ZNF324: variants seen among roughly 807,000 people sequenced by gnomAD.
The protein encoded by ZNF324 is zinc finger protein 324A.
ZNF324 carries 3 observed loss-of-function variants against 10.3 expected under a neutral mutation model. The observed-to-expected ratio is 0.29, with a 90% confidence interval of 0.13 to 0.75. The LOEUF (loss-of-function observed/expected upper bound fraction) is 0.75, where lower values mean the gene tolerates loss of function less well. Among genes scored for constraint, ZNF324 ranks in the 30% least tolerant of loss-of-function variants. The pLI, the probability that ZNF324 is intolerant of heterozygous loss-of-function variation, is 0.69. For missense variants in ZNF324, 763 were observed against 784.4 expected (o/e 0.97, Z 0.33); for synonymous variants, 430 against 339.5 (o/e 1.27, Z -2.93).
chr19:58,469,051 C>A lies in ZNF324; in HGVS notation c.-6-129C>A, dbSNP rs1265190347. ...ATTTTTATTTTTTTTAGCTCATCAGCTGTTATTAGTGTTAATGTATTTTAT... is the reference window on the plus strand; with the variant it reads ...ATTTTTATTTTTTTTAGCTCATCAGATGTTATTAGTGTTAATGTATTTTAT... On this transcript the variant is annotated intron_variant, in intron 1 of 3. Transcript: ENST00000196482. The A allele has an allele frequency of 1.6e-5, 17 of 1,086,898 alleles. No individual in the cohort carries two copies. In the East Asian group the frequency reaches 4.2e-4, roughly 27 times the overall value. The allele number at this position is 1,086,898 out of a possible 1,614,324, so 67.3% of individuals were successfully genotyped here.
In ZNF324 at chr19:58,470,804, G is replaced by A. The variant is rs550941766; in HGVS notation, c.312G>A (p.Gly104=). ...WPRAFPDTPP[G]MTTSVFPVAG... ...GAGCTTTCCCAGATACCCCACCTGG[G>A]ATGACTACTAGCGTCTTCCCTGTTG... Residue 104 remains glycine, a synonymous_variant, in exon 4 of 4, where the codon GGG becomes GGA. Transcript: ENST00000196482. 4 of 1,614,222 alleles carry A rather than the reference G, an allele frequency of 2.5e-6. No homozygotes were observed. The African/African-American group carries it at 4.0e-5, about 16-fold the overall frequency.
At chr19:58,470,039 G>A (rs1320244289) in intron 3 of ZNF324, among the ~76,000 whole-genome samples, 195 bp downstream of exon 3, 1 of 151,786 alleles carries the variant, frequency 6.6e-6, no homozygotes, top group Non-Finnish European at 1.5e-5. Context: ...ACAGGAGCGG[G>A]GTTGACACAG....
At position 58,471,365 on chromosome 19, in the gene ZNF324, C is replaced by T. The variant is rs777248685; in HGVS notation, c.873C>T (p.Gly291=). ...GERPYECAQC[G]KAFSQTSHLT... The stretch of plus-strand genomic sequence containing the variant: ...GGCCCTACGAGTGCGCCCAGTGCGG[C>T]AAGGCCTTCAGCCAGACGTCGCACT... The change falls in exon 4 of 4, where the codon GGC becomes GGT. Residue 291 remains glycine (G), a synonymous_variant. Transcript: ENST00000196482. The T allele has an allele frequency of 1.9e-6, 3 of 1,613,900 alleles. No individual in the cohort carries two copies. In the East Asian group the frequency reaches 6.7e-5, roughly 36 times the overall value.
rs1462295640 is a variant in ZNF324, at chr19:58,469,701, A to ACT, written c.122-24_122-23dup. 5.2e-6 allele frequency: 8 copies of ACT among 1,541,746 alleles called. No individual in the cohort carries two copies. In the Admixed American group the frequency reaches 7.7e-5, roughly 15 times the overall value. On this transcript the variant is annotated intron_variant, in intron 2 of 3. Transcript: ENST00000196482. ...GTGGGTTATCTTGAGCTGGGGCTGG[A>ACT]CTCTAACCTGCACCTCCTCCTCACA...
rs997674338 is a variant in ZNF324, at chr19:58,467,097, A to G, written c.-93A>G. 5.2e-6 allele frequency: 1 copy of G among 191,042 alleles called. No individual in the cohort carries two copies. The highest frequency in any genetic ancestry group is 1.2e-4 in the South Asian group (1 of 8,606). The allele number at this position is 191,042 out of a possible 1,614,324, so 11.8% of individuals were successfully genotyped here. A position where few individuals can be genotyped will look rare whatever the true frequency, so the allele number is the denominator to read the frequency against. On this transcript the variant is annotated 5_prime_UTR_variant, in exon 1 of 4. Transcript: ENST00000196482. ...GGACTGTCACTTCGCCGCCCGCGTC[A>G]GGCCACACCGGTGGTCTGGGCTGGG...
At chr19:58,469,353 A>T (rs1047027198) in intron 2 of ZNF324, 47 bp downstream of exon 2, 1 of 1,601,806 alleles carries the variant, frequency 6.2e-7, no homozygotes, top group South Asian at 1.1e-5. Context: ...TAACAAGCTG[A>T]CTGGCCAGGG....
chr19:58,474,497 CCT>C lies in ZNF324; in HGVS notation c.*2344_*2345del, dbSNP rs1208379901. On this transcript the variant is annotated 3_prime_UTR_variant, in exon 4 of 4. Coordinates refer to ENST00000196482, the MANE Select transcript of ZNF324 (RefSeq NM_014347.3). ...GTTCCTTTCCACGTCTGCTTGTGCC[CCT>C]GTTGTCCCTCAGTTTGTCCACCCTC... is the stretch of plus-strand genomic sequence containing the variant. 3.3e-5 allele frequency: 5 copies of C among 152,296 alleles called. No homozygotes were observed. Among genetic ancestry groups the C allele is most frequent in the South Asian group, 2.1e-4 (1 of 4,810 alleles). The allele number at this position is 152,296 out of a possible 1,614,324, so 9.4% of individuals were successfully genotyped here.
chr19:58,470,493 C>T (rs542569327), intron 3 of ZNF324: 134 of 638,256 alleles, frequency 2.1e-4, no homozygotes, highest in Admixed American at 9.4e-4. Flanking sequence ...AGCTTCACAT[C>T]CTGGGTGTCG....
intron 1 of ZNF324, 143 bp downstream of exon 1, chr19:58,467,326 T>C (rs892293081): frequency 6.6e-6 from 1 of 152,090 alleles, no homozygotes; most frequent in African/African-American, 2.4e-5. Context: ...GCGGGAGCCA[T>C]GCGCTCTCCC....
In ZNF324 at chr19:58,471,238, C is replaced by G. The variant is rs1303091958; in HGVS notation, c.746C>G (p.Ala249Gly). 1.2e-6 allele frequency: 2 copies of G among 1,613,436 alleles called. No homozygotes were observed. The highest frequency in any genetic ancestry group is 1.3e-5 in the African/African-American group (1 of 74,918). ...TCGACCTGGGACGAGCTGGGCGAGG[C>G]TCTTCACGCTGGGGAGAAGTCCTTC... is the stretch of plus-strand genomic sequence containing the variant. ...EPSTWDELGE[A>G]LHAGEKSFEC... Residue 249 changes from alanine to glycine, a missense_variant, in exon 4 of 4, where the codon GCT becomes GGT. Physicochemically the swap from Ala to Gly is moderately conservative, Grantham distance 60. Transcript: ENST00000196482.
Position 58,471,692 on chromosome 19 carries a change from G to C in ZNF324, c.1200G>C (p.Ala400=), listed in dbSNP as rs751326737. 3.1e-6 allele frequency: 5 copies of C among 1,612,562 alleles called. No homozygotes were observed. The highest frequency in any genetic ancestry group is 1.3e-5 in the African/African-American group (1 of 75,014). The change falls in exon 4 of 4, where the codon GCG becomes GCC. Residue 400 remains alanine (A), a synonymous_variant. Coordinates refer to ENST00000196482, the MANE Select transcript of ZNF324 (RefSeq NM_014347.3). ...CAGGCGAGAAGCCCTTCGTGTGCGC[G>C]CTCTGCGGTGCTGCCTTCAGCCAGG... ...THTGEKPFVC[A]LCGAAFSQGS... is the part of the protein sequence containing the mutation.
intron 1 of ZNF324, among the ~76,000 whole-genome samples, 156 bp from the exon 2 acceptor site, chr19:58,469,024 C>T (rs1289925514): frequency 1.3e-5 from 2 of 151,968 alleles, no homozygotes; most frequent in Non-Finnish European, 2.9e-5. Context: ...GATGTTTATG[C>T]AATTTTTATT....
rs1442291165 is a variant in ZNF324 at position 58,472,816 on chromosome 19, A to C, written c.*662A>C. On this transcript the variant is annotated 3_prime_UTR_variant, in exon 4 of 4. Coordinates refer to ENST00000196482, the MANE Select transcript of ZNF324 (RefSeq NM_014347.3). Reference sequence around the variant, plus strand: ...GCCAGCTCCTGTCCTGAGTACTGGGAAGTTTCTCCTGAAGCCCTGTGAGAT... The same window carrying C: ...GCCAGCTCCTGTCCTGAGTACTGGGCAGTTTCTCCTGAAGCCCTGTGAGAT... 1.3e-5 allele frequency: 2 copies of C among 152,342 alleles called. No homozygotes were observed. The highest frequency in any genetic ancestry group is 4.8e-5 in the African/African-American group (2 of 41,440). 9.4% of individuals were successfully genotyped at this position (152,342 alleles called of 1,614,324 possible).
At chr19:58,469,137 C>G in intron 1 of ZNF324, 43 bp from the exon 2 acceptor site, 1 of 1,613,504 alleles carries the variant, frequency 6.2e-7, no homozygotes, top group Non-Finnish European at 8.5e-7. Flanking sequence ...ATTGGATAAC[C>G]CAGCCTTAGA....
In ZNF324 at chr19:58,469,312, G is replaced by A; in HGVS notation, c.121+6G>A. 6.2e-7 allele frequency: 1 copy of A among 1,612,882 alleles called. No individual in the cohort carries two copies. Among genetic ancestry groups the A allele is most frequent in the South Asian group, 1.1e-5 (1 of 90,914 alleles). On this transcript the variant is annotated splice_donor_region_variant and intron_variant, in intron 2 of 3. Coordinates refer to ENST00000196482, the MANE Select transcript of ZNF324 (RefSeq NM_014347.3). ...CGCACTTGTGGCCTCGCTGGGTAAG[G>A]TCCTAGATACTCCATGAAATGGGCA...
chr19:58,470,847 G>A lies in ZNF324; in HGVS notation c.355G>A (p.Val119Ile), dbSNP rs2053023743. ...CCCTGTTGCCGGTGCCTGCCACAGT[G>A]TAAAAAGCCTGCAGAGACAACGGGG... is the stretch of plus-strand genomic sequence containing the variant. ...VFPVAGACHS[V>I]KSLQRQRGAS... Residue 119 changes from valine to isoleucine, a missense_variant, in exon 4 of 4, where the codon GTA (valine) becomes ATA (isoleucine). Coordinates refer to ENST00000196482, the MANE Select transcript of ZNF324 (RefSeq NM_014347.3). The A allele has an allele frequency of 6.2e-7, 1 of 1,614,216 alleles. No individual in the cohort carries two copies. The highest frequency in any genetic ancestry group is 8.5e-7 in the Non-Finnish European group (1 of 1,180,044).
In ZNF324 at chr19:58,469,092, ATTC is replaced by A. The variant is rs372837484; in HGVS notation, c.-6-81_-6-79del. The A allele has an allele frequency of 2.0e-4, 307 of 1,553,490 alleles. 4 individuals are homozygous for A. The African/African-American group carries it at 3.1e-3, about 16-fold the overall frequency. ...TGTATTTTATGTGTTGCCCAAGACAATTCTTCTTCCAATGTGGCCCAGGGAAGC... is the reference window on the plus strand; with the variant it reads ...TGTATTTTATGTGTTGCCCAAGACAATTCTTCCAATGTGGCCCAGGGAAGC... On this transcript the variant is annotated intron_variant, in intron 1 of 3. Coordinates refer to ENST00000196482, the MANE Select transcript of ZNF324 (RefSeq NM_014347.3).
At position 58,471,018 on chromosome 19, in the gene ZNF324, G is replaced by A; in HGVS notation, c.526G>A (p.Glu176Lys). The change falls in exon 4 of 4, where the codon GAA (glutamate) becomes AAA (lysine). Residue 176 changes from glutamate (E) to lysine (K), a missense_variant. Around this residue, in one of 3 missense-constraint regions of ZNF324, gnomAD observed 379 missense variants for 319.4 expected, o/e 1.19. Coordinates refer to ENST00000196482, the MANE Select transcript of ZNF324 (RefSeq NM_014347.3). The stretch of plus-strand genomic sequence containing the variant: ...GCCTCCCGAGGGCGTCCGGCTTAGA[G>A]AAAAGACACTCACAGAGCATGCGTT... Reference protein sequence around the residue: ...LRPPEGVRLREKTLTEHALLG... With the variant: ...LRPPEGVRLRKKTLTEHALLG... The A allele has an allele frequency of 6.2e-7, 1 of 1,614,098 alleles. No homozygotes were observed. The highest frequency in any genetic ancestry group is 8.5e-7 in the Non-Finnish European group (1 of 1,180,042).
At position 58,469,811 on chromosome 19, in the gene ZNF324, C is replaced by G. The variant is rs573781975; in HGVS notation, c.205C>G (p.Leu69Val). 7 of 1,601,584 alleles carry G rather than the reference C, an allele frequency of 4.4e-6. No individual in the cohort carries two copies. Among genetic ancestry groups the G allele is most frequent in the Middle Eastern group, 1.7e-4 (1 of 6,052 alleles). ...GGTTCCCAGTGGAACGGACACAACC[C>G]TGTCCAGGACCACCTACAGGAGGCG... is the stretch of plus-strand genomic sequence containing the variant. ...PWVPSGTDTTLSRTTYRRRNP... is the reference protein window; with the variant it reads ...PWVPSGTDTTVSRTTYRRRNP... The change falls in exon 3 of 4, where the codon CTG becomes GTG. Residue 69 changes from leucine to valine, a missense_variant. Physicochemically the swap from Leu to Val is conservative, Grantham distance 32. Around this residue, in one of 3 missense-constraint regions of ZNF324, gnomAD observed 379 missense variants for 319.4 expected, o/e 1.19. Coordinates refer to ENST00000196482, the MANE Select transcript of ZNF324 (RefSeq NM_014347.3).
Sources: allele counts gnomAD v4.1 joint callset (sites outside exome capture counted in the v4.1 genomes callset), GRCh38; gene constraint gnomAD v4.1.1; regional missense constraint gnomAD v4.1.1; transcripts MANE v1.5; gene names NCBI Gene and HGNC (gene_info 2026-07-23, HGNC 2026-07-21).